The following KCNQ5 variants were observed in gnomAD, a reference collection of about 807,000 sequenced individuals.
KCNQ5 encodes potassium voltage-gated channel subfamily Q member 5, also known as potassium voltage-gated channel subfamily KQT member 5.
In KCNQ5, 30 loss-of-function variants were observed where a neutral mutation model predicts 98.2. That is an observed-to-expected ratio of 0.31 (90% CI 0.23 to 0.41). The LOEUF (loss-of-function observed/expected upper bound fraction) is 0.41, where lower values mean the gene tolerates loss of function less well. Among genes scored for constraint, KCNQ5 ranks in the 10% least tolerant of loss-of-function variants. The pLI is 1.00. For synonymous variants in KCNQ5, 458 were observed against 449.4 expected (o/e 1.02, Z -0.24); for missense variants, 835 against 1,182.5 (o/e 0.71, Z 4.31).
At chr6:72,880,475 A>G (rs987423728) in intron 1 of KCNQ5, among the ~76,000 whole-genome samples, 2 of 152,282 alleles carry the variant, frequency 1.3e-5, no homozygotes, top group Middle Eastern at 3.4e-3. Flanking sequence ...CATTACCTTG[A>G]GACTTCAGGT....
At chr6:72,779,550 G>C (rs1452772285) in intron 1 of KCNQ5, among the ~76,000 whole-genome samples, 1 of 152,228 alleles carries the variant, frequency 6.6e-6, no homozygotes. Context: ...TTCTAGGAGA[G>C]CAGTGAGTAT....
chr6:72,950,852 A>G (rs545308392), intron 1 of KCNQ5, among the ~76,000 whole-genome samples: 6 of 152,364 alleles, frequency 3.9e-5, no homozygotes, highest in African/African-American at 1.4e-4. Flanking sequence ...TCATGATGTC[A>G]TAAGGATTAA....
chr6:72,864,531 G>A (rs984500549), intron 1 of KCNQ5, among the ~76,000 whole-genome samples: 1 of 152,020 alleles, frequency 6.6e-6, no homozygotes, highest in Non-Finnish European at 1.5e-5. Flanking sequence ...CTGGTTATTG[G>A]CAAAACACTC....
chr6:72,670,360 CCTATGCTCT>C (rs1767038176), intron 1 of KCNQ5, among the ~76,000 whole-genome samples: 3 of 152,192 alleles, frequency 2.0e-5, no homozygotes, highest in Non-Finnish European at 4.4e-5. Flanking sequence ...CATATTTCTA[CCTATGCTCT>C]CTTAATGGCA....
intron 1 of KCNQ5, among the ~76,000 whole-genome samples, chr6:72,955,830 G>A (rs1767015184): frequency 6.6e-6 from 1 of 152,142 alleles, no homozygotes; most frequent in Admixed American, 6.5e-5. Context: ...AGAGGTGGGA[G>A]GAATGCTCGA....
In KCNQ5 at chr6:73,041,939, T is replaced by A. The variant is rs1393636982; in HGVS notation, c.493T>A (p.Phe165Ile). 6.2e-7 allele frequency: 1 copy of A among 1,613,794 alleles called. No individual in the cohort carries two copies. Among genetic ancestry groups the A allele is most frequent in the Non-Finnish European group, 8.5e-7 (1 of 1,179,748 alleles). Residue 165 changes from phenylalanine (F) to isoleucine (I), a missense_variant, in exon 3 of 14, where the codon TTC becomes ATC. Physicochemically the swap from Phe to Ile is conservative, Grantham distance 21. Around this residue, in one of 10 missense-constraint regions of KCNQ5, gnomAD observed 20 missense variants for 16.1 expected, o/e 1.24. Coordinates refer to ENST00000370398, the MANE Select transcript of KCNQ5 (RefSeq NM_019842.4). ...TATGTCTTATCTGATATTTTAGGAG[T>A]TCGTGATGATTGTCGTCTTTGGTTT... ...LASSCLLILE[F>I]VMIVVFGLEF...
chr6:73,062,546 A>G (rs1185878253), intron 3 of KCNQ5, among the ~76,000 whole-genome samples: 1 of 152,224 alleles, frequency 6.6e-6, no homozygotes, highest in African/African-American at 2.4e-5. Flanking sequence ...CACACAAAGT[A>G]AAAACAACAC....
chr6:72,772,625 T>C (rs1772955256), intron 1 of KCNQ5, among the ~76,000 whole-genome samples: 1 of 151,972 alleles, frequency 6.6e-6, no homozygotes, highest in Non-Finnish European at 1.5e-5. Context: ...GCTATGCATC[T>C]AACATGTCAG....
At chr6:72,949,032 T>C (rs1315171437) in intron 1 of KCNQ5, among the ~76,000 whole-genome samples, 1 of 152,206 alleles carries the variant, frequency 6.6e-6, no homozygotes, top group African/African-American at 2.4e-5. Context: ...TTGGCAATGT[T>C]CGTATTTTTT....
At chr6:72,740,126 T>C (rs1397520830) in intron 1 of KCNQ5, among the ~76,000 whole-genome samples, 2 of 152,214 alleles carry the variant, frequency 1.3e-5, no homozygotes, top group Non-Finnish European at 2.9e-5. Flanking sequence ...CTCAATAAGT[T>C]TCAGTGTCTT....
At chr6:73,079,664 C>T (rs990032679) in intron 5 of KCNQ5, among the ~76,000 whole-genome samples, 1 of 152,168 alleles carries the variant, frequency 6.6e-6, no homozygotes, top group Non-Finnish European at 1.5e-5. Flanking sequence ...CAAAGGATTC[C>T]GTTGGTTTAA....
At chr6:73,137,709 A>G (rs1026474203) in intron 10 of KCNQ5, among the ~76,000 whole-genome samples, 1 of 152,154 alleles carries the variant, frequency 6.6e-6, no homozygotes, top group Non-Finnish European at 1.5e-5. Context: ...TTTATGGATG[A>G]GGAAACTAAG....
intron 1 of KCNQ5, among the ~76,000 whole-genome samples, chr6:72,798,209 A>G (rs1020703519): frequency 6.6e-6 from 1 of 152,194 alleles, no homozygotes; most frequent in Non-Finnish European, 1.5e-5. Context: ...GAGTATGTCC[A>G]GATACTTCTT....
chr6:72,636,947 T>A (rs2098924469), intron 1 of KCNQ5, among the ~76,000 whole-genome samples: 1 of 152,222 alleles, frequency 6.6e-6, no homozygotes. Flanking sequence ...GCCAGTTCTC[T>A]TGACCCCTTG....
intron 1 of KCNQ5, among the ~76,000 whole-genome samples, chr6:72,837,818 A>G (rs1168776007): frequency 6.6e-6 from 1 of 152,200 alleles, no homozygotes; most frequent in East Asian, 1.9e-4. Context: ...AGCATGTTAT[A>G]TATGTTTAAA....
intron 1 of KCNQ5, among the ~76,000 whole-genome samples, chr6:72,679,329 T>A (rs1767574276): frequency 6.6e-6 from 1 of 151,834 alleles, no homozygotes; most frequent in Non-Finnish European, 1.5e-5. Context: ...AACCCAAATG[T>A]CCAACAAAGA....
At chr6:73,085,727 G>A (rs1313002230) in intron 5 of KCNQ5, among the ~76,000 whole-genome samples, 2 of 152,278 alleles carry the variant, frequency 1.3e-5, no homozygotes, top group African/African-American at 4.8e-5. Context: ...ATGAAAGAAA[G>A]CAGGCACTCT....
chr6:73,167,100 G>T (rs1226779290), intron 10 of KCNQ5, among the ~76,000 whole-genome samples: 1 of 152,214 alleles, frequency 6.6e-6, no homozygotes, highest in East Asian at 1.9e-4. Flanking sequence ...TGGAAAGAAT[G>T]TCATCAAACC....
chr6:73,099,346 C>T (rs563195547), intron 5 of KCNQ5, among the ~76,000 whole-genome samples: 18 of 152,112 alleles, frequency 1.2e-4, no homozygotes, highest in African/African-American at 4.3e-4. Context: ...TTAAACTCTC[C>T]AATCAAAAGA....
Sources: allele counts gnomAD v4.1 joint callset (sites outside exome capture counted in the v4.1 genomes callset), GRCh38; gene constraint gnomAD v4.1.1; regional missense constraint gnomAD v4.1.1; transcripts MANE v1.5; gene names NCBI Gene and HGNC (gene_info 2026-07-23, HGNC 2026-07-21).